Variants in SORL1-AS1 observed in about 807,000 individuals in gnomAD.
The protein encoded by SORL1-AS1 is lncRNA 51 A.
In SORL1-AS1 at chr11:121,452,198, G is replaced by A. The variant is rs1160421035; in HGVS notation, n.339+477C>T. The A allele has an allele frequency of 2.5e-6, 1 of 404,028 alleles. No individual in the cohort carries two copies. Among genetic ancestry groups the A allele is most frequent in the African/African-American group, 2.2e-5 (1 of 45,924 alleles). 25.0% of individuals were successfully genotyped at this position (404,028 alleles called of 1,614,324 possible). A position where few individuals can be genotyped will look rare whatever the true frequency, so the allele number is the denominator to read the frequency against. On this transcript the variant is annotated intron_variant and non_coding_transcript_variant, in intron 1 of 1. Coordinates refer to ENST00000501964, the Ensembl canonical transcript of SORL1-AS1. The surrounding 1 kb of genome is among the most constrained non-coding windows in gnomAD (Gnocchi z 5.3). ...GCGGCAGCGGCGGCGGGCGCAGCGG[G>A]GCGGCCCGGAGCGGCGCGGGCGGCC...
At chr11:121,451,262 A>G (rs1860786750) in intron 1 of SORL1-AS1, among the ~76,000 whole-genome samples, 1 of 152,118 alleles carries the variant, frequency 6.6e-6, no homozygotes, top group Admixed American at 6.5e-5. Flanking sequence ...CAAAAAAAAT[A>G]TTTTCCTTGG....
chr11:121,442,545 G>A (rs1860668270), downstream of SORL1-AS1, among the ~76,000 whole-genome samples: 1 of 151,770 alleles, frequency 6.6e-6, no homozygotes, highest in African/African-American at 2.4e-5. Context: ...TGAGGCAGGA[G>A]AATCACTTGA....
In SORL1-AS1 at chr11:121,452,072, G is replaced by A. The variant is rs1291347133; in HGVS notation, n.339+603C>T. The A allele has an allele frequency of 6.6e-6, 1 of 152,428 alleles. No homozygotes were observed. Among genetic ancestry groups the A allele is most frequent in the Non-Finnish European group, 1.5e-5 (1 of 68,292 alleles). The allele number at this position is 152,428 out of a possible 1,614,324, so 9.4% of individuals were successfully genotyped here. The stretch of plus-strand genomic sequence containing the variant: ...TTCCCCATCCCCGCGCCAGGGAGGG[G>A]CCGGAGTCGCCGCCGAGGCCGCCGA... On this transcript the variant is annotated intron_variant and non_coding_transcript_variant, in intron 1 of 1. Transcript: ENST00000501964. This position sits in a 1 kb window ranked among gnomAD's most constrained non-coding sequence, Gnocchi z 5.3.
chr11:121,447,725 A>G (rs1176077593), exon 2 of SORL1-AS1: 1 of 152,096 alleles, frequency 6.6e-6, no homozygotes, highest in Admixed American at 6.6e-5. Context: ...TGGACTTGTG[A>G]GCTTTGTAAC....
chr11:121,452,231 C>T lies in SORL1-AS1; in HGVS notation n.339+444G>A. 1 of 986,326 alleles carries T rather than the reference C, an allele frequency of 1.0e-6. No individual in the cohort carries two copies. Among genetic ancestry groups the T allele is most frequent in the African/African-American group, 1.7e-5 (1 of 58,142 alleles). The allele number at this position is 986,326 out of a possible 1,614,324, so 61.1% of individuals were successfully genotyped here. A position where few individuals can be genotyped will look rare whatever the true frequency, so the allele number is the denominator to read the frequency against. On this transcript the variant is annotated intron_variant and non_coding_transcript_variant, in intron 1 of 1. Coordinates refer to ENST00000501964, the Ensembl canonical transcript of SORL1-AS1. This position sits in a 1 kb window ranked among gnomAD's most constrained non-coding sequence, Gnocchi z 5.3. Reference sequence around the variant, plus strand: ...GGAGCGGCGCGGGCGGCCTGGAGCCCCGGGAGCGGCGCGCGCGGTCCCGGC... The same window carrying T: ...GGAGCGGCGCGGGCGGCCTGGAGCCTCGGGAGCGGCGCGCGCGGTCCCGGC...
chr11:121,442,401 G>T (rs746854841), downstream of SORL1-AS1, among the ~76,000 whole-genome samples: 1 of 152,228 alleles, frequency 6.6e-6, no homozygotes, highest in East Asian at 1.9e-4. Flanking sequence ...TTGGAAAGCC[G>T]AGGTGGGTGG....
At chr11:121,444,561 C>A (rs1189227722), downstream of SORL1-AS1, among the ~76,000 whole-genome samples, 1 of 152,166 alleles carries the variant, frequency 6.6e-6, no homozygotes, top group Non-Finnish European at 1.5e-5. Context: ...AGGTTAAGCG[C>A]ATTTCAATCT....
chr11:121,446,945 T>C (rs1860732086), downstream of SORL1-AS1, among the ~76,000 whole-genome samples: 1 of 152,028 alleles, frequency 6.6e-6, no homozygotes. Context: ...AACGCATGCA[T>C]CCCCAGTGAA....
chr11:121,438,948 C>A, the SORL1-AS1 span, among the ~76,000 whole-genome samples: 4 of 152,216 alleles, frequency 2.6e-5, no homozygotes, highest in East Asian at 7.7e-4. Flanking sequence ...ATTGCTTGAA[C>A]CCGGGAGGCA....
rs1238481774 is a variant in SORL1-AS1, at chr11:121,450,140, G to A, written n.340-241C>T. On this transcript the variant is annotated intron_variant and non_coding_transcript_variant, in intron 1 of 1. Transcript: ENST00000501964. This position sits in a 1 kb window ranked among gnomAD's most constrained non-coding sequence, Gnocchi z 5.2. ...TCAAATCCACACTTAGGAGACTCCT[G>A]TCTCTGTTTTCTGCTGGGACTCTGA... is the stretch of plus-strand genomic sequence containing the variant. Among the ~76,000 whole-genome samples the A allele has an allele frequency of 6.6e-6, 1 of 152,212 alleles. No individual in the cohort carries two copies. Among genetic ancestry groups the A allele is most frequent in the African/African-American group, 2.4e-5 (1 of 41,444 alleles).
downstream of SORL1-AS1, among the ~76,000 whole-genome samples, chr11:121,443,004 A>G (rs1338784406): frequency 6.6e-6 from 1 of 151,918 alleles, no homozygotes; most frequent in Non-Finnish European, 1.5e-5. Flanking sequence ...AAAGAAAAAA[A>G]AAAAAAAGAC....
the SORL1-AS1 span, among the ~76,000 whole-genome samples, chr11:121,440,786 C>A: frequency 4.6e-5 from 7 of 152,216 alleles, no homozygotes; most frequent in African/African-American, 1.7e-4. Flanking sequence ...TTTGTCCAGT[C>A]GCATTTCTAC....
Position 121,452,849 on chromosome 11 carries a change from C to A in SORL1-AS1, n.165G>T, listed in dbSNP as rs1367148672. On this transcript the variant is annotated non_coding_transcript_exon_variant, in exon 1 of 2. Coordinates refer to ENST00000501964, the Ensembl canonical transcript of SORL1-AS1. This position sits in a 1 kb window ranked among gnomAD's most constrained non-coding sequence, Gnocchi z 5.3. ...TCCAGGTAACTCGCCGGGTGCAGTG[C>A]GTATTACCCCAGGGTGTGTGCAGAG... is the stretch of plus-strand genomic sequence containing the variant. 3 of 464,422 alleles carry A rather than the reference C, an allele frequency of 6.5e-6. No individual in the cohort carries two copies. Among genetic ancestry groups the A allele is most frequent in the Non-Finnish European group, 1.1e-5 (3 of 265,162 alleles). 28.8% of individuals were successfully genotyped at this position (464,422 alleles called of 1,614,324 possible).
At chr11:121,448,049 G>A (rs1208752247) in exon 2 of SORL1-AS1, 2 of 152,220 alleles carry the variant, frequency 1.3e-5, no homozygotes, top group Non-Finnish European at 2.9e-5. Flanking sequence ...TTTAGGCAAA[G>A]CAAATAGTCT....
At chr11:121,439,124 T>G in the SORL1-AS1 span, among the ~76,000 whole-genome samples, 2 of 152,254 alleles carry the variant, frequency 1.3e-5, no homozygotes, top group African/African-American at 4.8e-5. Flanking sequence ...TTAGATCACA[T>G]GATAGGTGAA....
chr11:121,438,687 T>C, the SORL1-AS1 span, among the ~76,000 whole-genome samples: 2 of 152,258 alleles, frequency 1.3e-5, no homozygotes, highest in African/African-American at 2.4e-5. Context: ...TTTATCTCTT[T>C]AGTCTATTGA....
downstream of SORL1-AS1, among the ~76,000 whole-genome samples, chr11:121,442,971 C>A (rs141077194): frequency 1.6e-4 from 24 of 151,036 alleles, no homozygotes; most frequent in East Asian, 4.7e-3. Context: ...AGTCACCGCG[C>A]CCAGCCAAGG....
chr11:121,448,538 G>A (rs1183825032), exon 2 of SORL1-AS1: 1 of 152,208 alleles, frequency 6.6e-6, no homozygotes, highest in Non-Finnish European at 1.5e-5. Context: ...GCGTGACTCA[G>A]AGAGGCCTGC....
Position 121,452,023 on chromosome 11 carries a change from C to G in SORL1-AS1, n.339+652G>C, listed in dbSNP as rs1337710040. 6.6e-6 allele frequency among the ~76,000 whole-genome samples: 1 copy of G among 152,154 alleles called. No individual in the cohort carries two copies. The highest frequency in any genetic ancestry group is 2.4e-5 in the African/African-American group (1 of 41,456). The stretch of plus-strand genomic sequence containing the variant: ...GTGCCCGCCAGGGAAGGGACGCACC[C>G]CCACCGGCGCTCGCTGCCTTAACTT... On this transcript the variant is annotated intron_variant and non_coding_transcript_variant, in intron 1 of 1. Transcript: ENST00000501964. The surrounding 1 kb of genome is among the most constrained non-coding windows in gnomAD (Gnocchi z 5.3).
Sources: gnomAD v4.1 joint callset for allele counts (sites outside exome capture counted in the v4.1 genomes callset) on GRCh38, gnomAD v4.1.1 for gene constraint, Gnocchi (gnomAD v3.1) non-coding constraint, MANE v1.5 for transcripts, NCBI Gene and HGNC (gene_info 2026-07-23, HGNC 2026-07-21) for gene names.